LRRTM4: variants seen among roughly 807,000 people sequenced by gnomAD.
The protein encoded by LRRTM4 is leucine-rich repeat transmembrane neuronal protein 4.
LRRTM4 carries 25 observed loss-of-function variants against 47.6 expected under a neutral mutation model. That is an observed-to-expected ratio of 0.53 (90% CI 0.38 to 0.73). LRRTM4 has a LOEUF of 0.73. Among genes scored for constraint, LRRTM4 ranks in the 30% least tolerant of loss-of-function variants. The pLI, the probability that LRRTM4 is intolerant of heterozygous loss-of-function variation, is 0.00. For synonymous variants in LRRTM4, 311 were observed against 269.5 expected, an observed-to-expected ratio of 1.15 and a Z score of -1.51; for missense variants, 638 against 713.4, an observed-to-expected ratio of 0.89 and a Z score of 1.20.
intron 3 of LRRTM4, among the ~76,000 whole-genome samples, chr2:76,851,406 G>A (rs528781877): frequency 6.6e-6 from 1 of 152,254 alleles, no homozygotes; most frequent in South Asian, 2.1e-4. Flanking sequence ...TGTAATTTGG[G>A]TTTTTGTCTG....
intron 3 of LRRTM4, among the ~76,000 whole-genome samples, chr2:76,759,369 C>T (rs943482796): frequency 6.6e-6 from 1 of 152,136 alleles, no homozygotes; most frequent in Non-Finnish European, 1.5e-5. Context: ...AACCTTGGTA[C>T]TTGGAAGTCA....
At chr2:77,159,604 ACAAAGGTCTT>A (rs1298753958) in intron 3 of LRRTM4, among the ~76,000 whole-genome samples, 1 of 151,956 alleles carries the variant, frequency 6.6e-6, no homozygotes, top group East Asian at 1.9e-4. Context: ...GGGGATCATC[ACAAAGGTCTT>A]CATTCTTGTC....
At chr2:77,163,557 T>C (rs1672792001) in intron 3 of LRRTM4, among the ~76,000 whole-genome samples, 1 of 151,952 alleles carries the variant, frequency 6.6e-6, no homozygotes, top group African/African-American at 2.4e-5. Context: ...AAGGAAAAAA[T>C]GTTAAGGGCA....
At chr2:77,359,860 T>C (rs1040428984) in intron 3 of LRRTM4, among the ~76,000 whole-genome samples, 4 of 152,178 alleles carry the variant, frequency 2.6e-5, no homozygotes, top group Non-Finnish European at 5.9e-5. Flanking sequence ...ACAGGTTCCT[T>C]TGCACTTCTA....
intron 3 of LRRTM4, among the ~76,000 whole-genome samples, chr2:77,116,438 A>G (rs1334346615): frequency 1.3e-5 from 2 of 152,184 alleles, no homozygotes; most frequent in Non-Finnish European, 2.9e-5. Flanking sequence ...TTTATTGAAT[A>G]TATAATTACT....
At chr2:77,287,619 C>T (rs1209289354) in intron 3 of LRRTM4, among the ~76,000 whole-genome samples, 1 of 151,978 alleles carries the variant, frequency 6.6e-6, no homozygotes, top group African/African-American at 2.4e-5. Context: ...TGTGCCATTT[C>T]CCTCTATCCA....
At chr2:76,917,591 A>T (rs977535812) in intron 3 of LRRTM4, among the ~76,000 whole-genome samples, 7 of 152,122 alleles carry the variant, frequency 4.6e-5, no homozygotes, top group African/African-American at 2.4e-5. Flanking sequence ...GAGTACTGTA[A>T]ATCAAGATGA....
At chr2:76,869,040 G>C (rs1672547638) in intron 3 of LRRTM4, among the ~76,000 whole-genome samples, 1 of 152,136 alleles carries the variant, frequency 6.6e-6, no homozygotes, top group Non-Finnish European at 1.5e-5. Context: ...GCCAGGCGCG[G>C]TGGCTCACGC....
rs551204437 is a variant in LRRTM4, at chr2:76,779,517, G to C, written c.1552-30601C>G. ...ATTGATCCCTTTACCATCATGTAATGGCCTTCACTGTCTCTTTTGATCTTT... is the reference window on the plus strand; with the variant it reads ...ATTGATCCCTTTACCATCATGTAATCGCCTTCACTGTCTCTTTTGATCTTT... On this transcript the variant is annotated intron_variant, in intron 3 of 3. Coordinates refer to ENST00000409884, the MANE Select transcript of LRRTM4 (RefSeq NM_001134745.3). 2.5e-3 allele frequency among the ~76,000 whole-genome samples: 352 copies of C among 141,674 alleles called. 2 individuals are homozygous for C. Among genetic ancestry groups the C allele is most frequent in the African/African-American group, 9.3e-3 (341 of 36,816 alleles). 92.9% of individuals were successfully genotyped at this position (141,674 alleles called of 152,430 possible).
In LRRTM4 at chr2:77,029,052, A is replaced by AAAATATAT. The variant is rs1277940864; in HGVS notation, c.1552-280137_1552-280136insATATATTT. Reference sequence around the variant, plus strand: ...TCCATCACACACACACACACACACAAATATATATATATATATATAATATAT... The same window carrying AAAATATAT: ...TCCATCACACACACACACACACACAAAAATATATATATATATATATATATATAATATAT... On this transcript the variant is annotated intron_variant, in intron 3 of 3. Transcript: ENST00000409884. Among the ~76,000 whole-genome samples, 12 of 140,644 alleles carry AAAATATAT rather than the reference A, an allele frequency of 8.5e-5. No homozygotes were observed. In the East Asian group the frequency reaches 2.5e-3, roughly 30 times the overall value. 92.3% of individuals were successfully genotyped at this position (140,644 alleles called of 152,430 possible).
chr2:76,821,553 C>A (rs1485950229), intron 3 of LRRTM4, among the ~76,000 whole-genome samples: 1 of 151,562 alleles, frequency 6.6e-6, no homozygotes, highest in East Asian at 1.9e-4. Flanking sequence ...ATTGAAGACC[C>A]CAGACACCAA....
intron 3 of LRRTM4, among the ~76,000 whole-genome samples, chr2:77,211,141 A>G (rs1297334993): frequency 6.6e-6 from 1 of 152,174 alleles, no homozygotes; most frequent in Non-Finnish European, 1.5e-5. Flanking sequence ...ACACTAGGAA[A>G]GGGGAGGAGG....
At chr2:77,452,780 G>A (rs1275206826) in intron 3 of LRRTM4, among the ~76,000 whole-genome samples, 3 of 152,146 alleles carry the variant, frequency 2.0e-5, no homozygotes, top group Non-Finnish European at 4.4e-5. Flanking sequence ...TTGACGATGG[G>A]TCAACAATAA....
chr2:77,258,686 T>G (rs1436502310), intron 3 of LRRTM4, among the ~76,000 whole-genome samples: 1 of 151,950 alleles, frequency 6.6e-6, no homozygotes, highest in Non-Finnish European at 1.5e-5. Flanking sequence ...TTATTGGTTA[T>G]ATTCAGGAAA....
intron 3 of LRRTM4, among the ~76,000 whole-genome samples, chr2:77,298,656 T>C (rs868130116): frequency 5.9e-5 from 9 of 152,172 alleles, no homozygotes; most frequent in African/African-American, 2.2e-4. Flanking sequence ...ATGAAAAGTA[T>C]TGTGATAGAT....
intron 3 of LRRTM4, among the ~76,000 whole-genome samples, chr2:77,464,208 G>T (rs1676892769): frequency 6.6e-6 from 1 of 152,164 alleles, no homozygotes; most frequent in South Asian, 2.1e-4. Flanking sequence ...AGAGGTAAGA[G>T]CAGTGAAGAA....
At chr2:77,403,137 C>T (rs988042826) in intron 3 of LRRTM4, among the ~76,000 whole-genome samples, 1 of 151,952 alleles carries the variant, frequency 6.6e-6, no homozygotes, top group African/African-American at 2.4e-5. Context: ...AAAAATGTCT[C>T]CCAGTTAACA....
At position 76,804,770 on chromosome 2, in the gene LRRTM4, ATATC is replaced by A. The variant is rs1312694056; in HGVS notation, c.1552-55858_1552-55855del. Among the ~76,000 whole-genome samples the A allele has an allele frequency of 4.0e-5, 6 of 149,578 alleles. No homozygotes were observed. The East Asian group carries it at 5.9e-4, about 15-fold the overall frequency. ...ATATCATTGTTTTATAACAATATAT[ATATC>A]ATGTTTTATATATATATCATTGTTT... On this transcript the variant is annotated intron_variant, in intron 3 of 3. Coordinates refer to ENST00000409884, the MANE Select transcript of LRRTM4 (RefSeq NM_001134745.3).
chr2:76,936,061 C>G (rs569959070), intron 3 of LRRTM4, among the ~76,000 whole-genome samples: 1 of 152,098 alleles, frequency 6.6e-6, no homozygotes, highest in African/African-American at 2.4e-5. Context: ...ACTAGAAATA[C>G]CATTTGACCC....
Sources: gnomAD v4.1 joint callset for allele counts (sites outside exome capture counted in the v4.1 genomes callset) on GRCh38, gnomAD v4.1.1 for gene constraint, MANE v1.5 for transcripts, NCBI Gene and HGNC (gene_info 2026-07-23, HGNC 2026-07-21) for gene names.